The following KCNJ3 variants were observed in gnomAD, a reference collection of about 807,000 sequenced individuals.
The protein encoded by KCNJ3 is G protein-activated inward rectifier potassium channel 1.
A neutral mutation model predicts 39.2 loss-of-function variants in KCNJ3; 4 were observed. The ratio of observed to expected loss-of-function variants is 0.10; its 90% CI spans 0.05 to 0.23. The LOEUF (loss-of-function observed/expected upper bound fraction) is 0.23, where lower values mean the gene tolerates loss of function less well. Among genes scored for constraint, KCNJ3 ranks in the 10% least tolerant of loss-of-function variants. KCNJ3 has a pLI of 1.00. For synonymous variants in KCNJ3, 230 were observed against 237.4 expected (o/e 0.97, Z 0.29); for missense variants, 276 against 634.9 (o/e 0.43, Z 6.08).
At chr2:154,709,291 C>T (rs1320857008) in intron 1 of KCNJ3, 3 of 375,840 alleles carry the variant, frequency 8.0e-6, no homozygotes, top group African/African-American at 4.1e-5. Flanking sequence ...TGTCAAGCAG[C>T]AGCACATGCA....
intron 2 of KCNJ3, among the ~76,000 whole-genome samples, chr2:154,797,852 T>G (rs1021167204): frequency 6.6e-6 from 1 of 152,152 alleles, no homozygotes; most frequent in Non-Finnish European, 1.5e-5. Context: ...ATAAAAGTAC[T>G]TAACATGAGA....
At chr2:154,740,887 A>C (rs903036468) in intron 2 of KCNJ3, among the ~76,000 whole-genome samples, 8 of 151,954 alleles carry the variant, frequency 5.3e-5, no homozygotes, top group Non-Finnish European at 8.8e-5. Context: ...AAATAAGAGC[A>C]GTACCAAGCA....
chr2:154,782,174 C>T (rs1220605630), intron 2 of KCNJ3, among the ~76,000 whole-genome samples: 1 of 152,102 alleles, frequency 6.6e-6, no homozygotes, highest in African/African-American at 2.4e-5. Context: ...TGTAATGCGT[C>T]AGAAGAAGAA....
At chr2:154,799,889 G>C (rs114407828) in intron 2 of KCNJ3, among the ~76,000 whole-genome samples, 5 of 152,090 alleles carry the variant, frequency 3.3e-5, no homozygotes, top group African/African-American at 1.2e-4. Context: ...GTCATAATTC[G>C]TAAGAAATTA....
At chr2:154,807,666 T>G (rs1686936728) in intron 2 of KCNJ3, among the ~76,000 whole-genome samples, 1 of 152,188 alleles carries the variant, frequency 6.6e-6, no homozygotes. Context: ...CTACAGGAGC[T>G]AGGGTTGCCT....
intron 1 of KCNJ3, among the ~76,000 whole-genome samples, chr2:154,705,443 T>C (rs1044355232): frequency 1.3e-5 from 2 of 152,166 alleles, no homozygotes; most frequent in Non-Finnish European, 2.9e-5. Flanking sequence ...GATGATCCCT[T>C]CTAGGCACCT....
intron 2 of KCNJ3, among the ~76,000 whole-genome samples, chr2:154,759,358 T>C (rs1045197271): frequency 8.0e-6 from 1 of 124,816 alleles, no homozygotes; most frequent in South Asian, 2.5e-4. Context: ...GTCTTATTTT[T>C]ACAACTTTTT....
At chr2:154,718,232 T>A (rs1685213196) in intron 2 of KCNJ3, among the ~76,000 whole-genome samples, 1 of 152,202 alleles carries the variant, frequency 6.6e-6, no homozygotes, top group South Asian at 2.1e-4. Flanking sequence ...CTTTAAGATA[T>A]ATCTTATCAG....
intron 2 of KCNJ3, among the ~76,000 whole-genome samples, chr2:154,800,913 G>A (rs764750929): frequency 3.3e-5 from 5 of 152,224 alleles, no homozygotes; most frequent in South Asian, 2.1e-4. Flanking sequence ...CGGTACCATC[G>A]CCATCAAAAG....
intron 2 of KCNJ3, among the ~76,000 whole-genome samples, chr2:154,804,441 C>T (rs1447578982): frequency 6.6e-6 from 1 of 152,058 alleles, no homozygotes; most frequent in African/African-American, 2.4e-5. Flanking sequence ...CCAGCATTTG[C>T]AAAATTTCTT....
chr2:154,844,431 C>T (rs1396528453), intron 2 of KCNJ3, among the ~76,000 whole-genome samples: 7 of 152,338 alleles, frequency 4.6e-5, no homozygotes, highest in African/African-American at 1.7e-4. Flanking sequence ...GGTAGTCTGT[C>T]CATTCTCAGA....
At chr2:154,798,129 A>G (rs1686751956) in intron 2 of KCNJ3, among the ~76,000 whole-genome samples, 1 of 151,696 alleles carries the variant, frequency 6.6e-6, no homozygotes, top group African/African-American at 2.4e-5. Context: ...CCATGCACAT[A>G]TACACACTAC....
At chr2:154,727,591 CAA>C (rs546038652) in intron 2 of KCNJ3, among the ~76,000 whole-genome samples, 38 of 91,340 alleles carry the variant, frequency 4.2e-4, no homozygotes, top group South Asian at 1.3e-3. Flanking sequence ...GAAACTCCGT[CAA>C]AAAAAAAAAA....
chr2:154,847,160 CA>C (rs1221759639), intron 2 of KCNJ3, among the ~76,000 whole-genome samples: 1 of 152,014 alleles, frequency 6.6e-6, no homozygotes, highest in Non-Finnish European at 1.5e-5. Context: ...ACCTGTATCT[CA>C]AAAGAGCCTA....
At chr2:154,817,167 T>C (rs755942692) in intron 2 of KCNJ3, among the ~76,000 whole-genome samples, 2 of 152,232 alleles carry the variant, frequency 1.3e-5, no homozygotes, top group Non-Finnish European at 2.9e-5. Flanking sequence ...TTTCTTCCCA[T>C]TAATTTCATA....
At chr2:154,750,681 C>T (rs1395950057) in intron 2 of KCNJ3, among the ~76,000 whole-genome samples, 1 of 151,910 alleles carries the variant, frequency 6.6e-6, no homozygotes, top group Non-Finnish European at 1.5e-5. Context: ...CCGTCCAGAA[C>T]TAATTTAATC....
chr2:154,738,952 G>GT (rs1288034570), intron 2 of KCNJ3, among the ~76,000 whole-genome samples: 1 of 151,986 alleles, frequency 6.6e-6, no homozygotes, highest in Admixed American at 6.6e-5. Flanking sequence ...ATATTAGTAA[G>GT]TATCTTAGAA....
intron 2 of KCNJ3, among the ~76,000 whole-genome samples, chr2:154,744,817 T>C (rs1685712123): frequency 6.6e-6 from 1 of 151,926 alleles, no homozygotes; most frequent in South Asian, 2.1e-4. Flanking sequence ...TTGATTTTGC[T>C]CTTGTCTTTA....
At chr2:154,744,024 C>A (rs1685696130) in intron 2 of KCNJ3, among the ~76,000 whole-genome samples, 1 of 151,318 alleles carries the variant, frequency 6.6e-6, no homozygotes, top group South Asian at 2.1e-4. Context: ...TTCCTATTTT[C>A]TATATGTTTT....
Sources: gnomAD v4.1 joint callset for allele counts (sites outside exome capture counted in the v4.1 genomes callset) on GRCh38, gnomAD v4.1.1 for gene constraint, MANE v1.5 for transcripts, NCBI Gene and HGNC (gene_info 2026-07-23, HGNC 2026-07-21) for gene names.